SLC2A12: variants seen among roughly 807,000 people sequenced by gnomAD.
SLC2A12 encodes solute carrier family 2, facilitated glucose transporter member 12.
A neutral mutation model predicts 41.8 loss-of-function variants in SLC2A12; 23 were observed. The observed-to-expected ratio is 0.55, with a 90% CI of 0.40 to 0.78. SLC2A12 has a LOEUF of 0.78. SLC2A12 is among the 30% of genes least tolerant of loss of function. The probability of loss-of-function intolerance (pLI) is 0.00; values close to 1 mark genes in which losing one functional copy is unlikely to be tolerated. For synonymous variants in SLC2A12, 295 were observed against 285.9 expected (o/e 1.03, Z -0.32); for missense variants, 654 against 745.6 (o/e 0.88, Z 1.43).
At chr6:134,032,682 G>A (rs1208347303) in intron 1 of SLC2A12, among the ~76,000 whole-genome samples, 5 of 146,202 alleles carry the variant, frequency 3.4e-5, no homozygotes, top group Admixed American at 6.9e-5. Flanking sequence ...TCCTCAGCCT[G>A]TCCATTCGGG....
chr6:134,007,572 T>C (rs1011864339), intron 2 of SLC2A12, among the ~76,000 whole-genome samples: 2 of 152,216 alleles, frequency 1.3e-5, no homozygotes, highest in East Asian at 1.9e-4. Flanking sequence ...GAGAGTCTTA[T>C]TGGCACCAAA....
intron 1 of SLC2A12, among the ~76,000 whole-genome samples, chr6:134,044,909 T>C (rs955992798): frequency 6.6e-6 from 1 of 152,184 alleles, no homozygotes; most frequent in Non-Finnish European, 1.5e-5. Flanking sequence ...CAGCACTGTC[T>C]GGCAGGCAAG....
At chr6:134,046,877 C>T (rs1777462153) in intron 1 of SLC2A12, among the ~76,000 whole-genome samples, 2 of 151,898 alleles carry the variant, frequency 1.3e-5, no homozygotes, top group South Asian at 4.2e-4. Context: ...TGTGCTACAA[C>T]ATGGGAAGAA....
At position 134,006,729 on chromosome 6, in the gene SLC2A12, A is replaced by T. The variant is rs191627293; in HGVS notation, c.1567+83T>A. The stretch of plus-strand genomic sequence containing the variant: ...AAGTGTGTTTGAAAATTTCCACGAA[A>T]AAATGGTCTTTAGGTGGGTGTGATT... On this transcript the variant is annotated intron_variant, in intron 3 of 4. Coordinates refer to ENST00000275230, the MANE Select transcript of SLC2A12 (RefSeq NM_145176.3). The T allele has an allele frequency of 3.2e-6, 5 of 1,544,596 alleles. No individual in the cohort carries two copies. The East Asian group carries it at 1.2e-4, about 36-fold the overall frequency.
intron 1 of SLC2A12, among the ~76,000 whole-genome samples, chr6:134,050,697 G>A (rs2114520919): frequency 6.6e-6 from 1 of 152,174 alleles, no homozygotes; most frequent in East Asian, 1.9e-4. Flanking sequence ...GAGCCCTTTT[G>A]TTAACATCAC....
chr6:134,044,003 T>C (rs1027649324), intron 1 of SLC2A12, among the ~76,000 whole-genome samples: 1 of 152,012 alleles, frequency 6.6e-6, no homozygotes, highest in African/African-American at 2.4e-5. Context: ...TTCCGAAGTA[T>C]TGGAAGCTCC....
Position 133,990,872 on chromosome 6 carries a change from G to A in SLC2A12, c.*283C>T, listed in dbSNP as rs1249776475. 1 of 282,490 alleles carries A rather than the reference G, an allele frequency of 3.5e-6. No individual in the cohort carries two copies. Among genetic ancestry groups the A allele is most frequent in the African/African-American group, 2.2e-5 (1 of 45,778 alleles). The allele number at this position is 282,490 out of a possible 1,614,324, so 17.5% of individuals were successfully genotyped here. ...ACATAGTCTATTCAAAGGCTGCTCTGTGAAGAAGGTAGAAAGTATTAAACC... is the reference window on the plus strand; with the variant it reads ...ACATAGTCTATTCAAAGGCTGCTCTATGAAGAAGGTAGAAAGTATTAAACC... On this transcript the variant is annotated 3_prime_UTR_variant, in exon 5 of 5. Coordinates refer to ENST00000275230, the MANE Select transcript of SLC2A12 (RefSeq NM_145176.3).
rs537218720 is a variant in SLC2A12 at position 134,028,850 on chromosome 6, G to A, written c.975C>T (p.Val325=). 4.1e-5 allele frequency: 66 copies of A among 1,614,190 alleles called. No individual in the cohort carries two copies. Among genetic ancestry groups the A allele is most frequent in the African/African-American group, 2.5e-4 (19 of 75,060 alleles). The change falls in exon 2 of 5, where the codon GTC becomes GTT. Residue 325 remains valine, a synonymous_variant. Coordinates refer to ENST00000275230, the MANE Select transcript of SLC2A12 (RefSeq NM_145176.3). ...AASLASTGVG[V]VKVISTIPAT... is the part of the protein sequence containing the mutation. ...CAGGGATGGTGCTAATGACCTTGAC[G>A]ACTCCAACCCCAGTGGAGGCGAGGC...
intron 1 of SLC2A12, among the ~76,000 whole-genome samples, chr6:134,032,844 TAA>T (rs1284854373): frequency 1.4e-5 from 2 of 143,970 alleles, no homozygotes; most frequent in East Asian, 4.0e-4. Context: ...TATTTATATA[TAA>T]ATATATATTT....
At chr6:134,013,214 C>G (rs994112331) in intron 2 of SLC2A12, among the ~76,000 whole-genome samples, 4 of 151,970 alleles carry the variant, frequency 2.6e-5, no homozygotes, top group Non-Finnish European at 4.4e-5. Flanking sequence ...TTGCTTGAAC[C>G]CTGGAGGTGG....
At chr6:134,005,735 A>C (rs1169678963) in intron 3 of SLC2A12, among the ~76,000 whole-genome samples, 5 of 146,908 alleles carry the variant, frequency 3.4e-5, no homozygotes, top group Non-Finnish European at 7.5e-5. Flanking sequence ...ATTTGATGAG[A>C]TCCCTTTTGA....
chr6:133,995,366 T>C (rs1309884703), intron 4 of SLC2A12, among the ~76,000 whole-genome samples: 1 of 151,922 alleles, frequency 6.6e-6, no homozygotes, highest in African/African-American at 2.4e-5. Flanking sequence ...GGGGCTCTCA[T>C]AGGAAGGACT....
chr6:134,027,607 C>A (rs942002646), intron 2 of SLC2A12, among the ~76,000 whole-genome samples: 8 of 152,132 alleles, frequency 5.3e-5, no homozygotes. Flanking sequence ...ACAAAAGACC[C>A]TTCACAGCCT....
chr6:134,025,786 C>T (rs952802974), intron 2 of SLC2A12, among the ~76,000 whole-genome samples: 1 of 152,108 alleles, frequency 6.6e-6, no homozygotes, highest in African/African-American at 2.4e-5. Flanking sequence ...ACTTCAAGTA[C>T]TCCACCAGCC....
At chr6:134,010,513 G>A (rs1395587727) in intron 2 of SLC2A12, among the ~76,000 whole-genome samples, 4 of 152,124 alleles carry the variant, frequency 2.6e-5, no homozygotes, top group South Asian at 2.1e-4. Flanking sequence ...CAATCCCATC[G>A]TTTGAGGACC....
At chr6:134,027,140 T>A (rs1444315224) in intron 2 of SLC2A12, among the ~76,000 whole-genome samples, 1 of 152,196 alleles carries the variant, frequency 6.6e-6, no homozygotes, top group African/African-American at 2.4e-5. Context: ...GGACAGTGTC[T>A]GTCTTGGTCA....
intron 1 of SLC2A12, among the ~76,000 whole-genome samples, chr6:134,036,976 T>A (rs1415758685): frequency 6.6e-6 from 1 of 151,852 alleles, no homozygotes; most frequent in Non-Finnish European, 1.5e-5. Context: ...GTGGACCAGG[T>A]CTTCAGGTTC....
intron 3 of SLC2A12, among the ~76,000 whole-genome samples, chr6:134,004,949 C>T (rs1445178312): frequency 6.6e-6 from 1 of 152,192 alleles, no homozygotes; most frequent in Non-Finnish European, 1.5e-5. Context: ...ACGGCAGCAG[C>T]TGCCACAGAG....
intron 4 of SLC2A12, among the ~76,000 whole-genome samples, chr6:133,995,928 T>C (rs1562189512): frequency 6.6e-6 from 1 of 152,256 alleles, no homozygotes; most frequent in Non-Finnish European, 1.5e-5. Context: ...TTTTTCTGTC[T>C]GGATTTACTC....
Sources: allele counts gnomAD v4.1 joint callset (sites outside exome capture counted in the v4.1 genomes callset), GRCh38; gene constraint gnomAD v4.1.1; transcripts MANE v1.5; gene names NCBI Gene and HGNC (gene_info 2026-07-23, HGNC 2026-07-21).